The following IMMP1L variants were observed in gnomAD, a reference collection of about 807,000 sequenced individuals.
IMMP1L encodes inner mitochondrial membrane peptidase subunit 1.
A neutral mutation model predicts 21.8 loss-of-function variants in IMMP1L; 24 were observed. That is an observed-to-expected ratio of 1.10 (90% confidence interval 0.80 to 1.55). The LOEUF is 1.55. Ranked by LOEUF, IMMP1L falls within the 40% of genes most tolerant of loss-of-function variation. The probability of loss-of-function intolerance (pLI) is 0.00; values close to 1 mark genes in which losing one functional copy is unlikely to be tolerated. For synonymous variants in IMMP1L, 46 were observed against 62.8 expected (o/e 0.73, Z 1.26); for missense variants, 195 against 200.7 (o/e 0.97, Z 0.17).
intron 1 of IMMP1L, among the ~76,000 whole-genome samples, chr11:31,475,990 T>A (rs922484686): frequency 1.8e-4 from 28 of 152,186 alleles, no homozygotes; most frequent in East Asian, 5.8e-4. Context: ...CTGTTTTGAA[T>A]GCAAAACTAC....
intron 1 of IMMP1L, among the ~76,000 whole-genome samples, chr11:31,480,868 A>G (rs1487141201): frequency 6.6e-6 from 1 of 152,172 alleles, no homozygotes; most frequent in Non-Finnish European, 1.5e-5. Context: ...CAAATTCATG[A>G]ATAAAAATTC....
intron 4 of IMMP1L, chr11:31,453,193 G>T: frequency 1.1e-6 from 1 of 939,352 alleles, no homozygotes; most frequent in Non-Finnish European, 1.4e-6. Flanking sequence ...ACTCTGGAAA[G>T]AATAAAATGA....
intron 4 of IMMP1L, among the ~76,000 whole-genome samples, chr11:31,450,712 C>A (rs1953722065): frequency 6.6e-6 from 1 of 152,126 alleles, no homozygotes; most frequent in Non-Finnish European, 1.5e-5. Flanking sequence ...GTGGTAGGCT[C>A]CATGAACATC....
intron 4 of IMMP1L, among the ~76,000 whole-genome samples, chr11:31,437,474 T>A (rs1482245396): frequency 6.6e-6 from 1 of 152,184 alleles, no homozygotes; most frequent in African/African-American, 2.4e-5. Flanking sequence ...TTAGGGATGC[T>A]CAACCCATAC....
intron 2 of IMMP1L, 75 bp from the exon 3 acceptor site, chr11:31,460,789 A>G (rs1954116224): frequency 9.5e-7 from 1 of 1,052,832 alleles, no homozygotes; most frequent in African/African-American, 1.6e-5. Context: ...AAGCAAGCTT[A>G]AAAGAAAGAA....
At chr11:31,509,228 T>C (rs1025659409) in intron 1 of IMMP1L, among the ~76,000 whole-genome samples, 1 of 152,194 alleles carries the variant, frequency 6.6e-6, no homozygotes, top group Non-Finnish European at 1.5e-5. Context: ...CACTAGGCAC[T>C]AACGAACTAA....
chr11:31,442,620 G>T (rs1446997958), intron 4 of IMMP1L, among the ~76,000 whole-genome samples: 3 of 152,264 alleles, frequency 2.0e-5, no homozygotes, highest in South Asian at 4.1e-4. Context: ...CAATGGTAGG[G>T]TTTGCATTGG....
intron 4 of IMMP1L, chr11:31,452,542 G>A (rs1033102033): frequency 3.5e-5 from 34 of 985,212 alleles, no homozygotes; most frequent in Non-Finnish European, 3.9e-5. Flanking sequence ...TAAAGCAGTG[G>A]CTTCAAGCAG....
At chr11:31,457,130 C>A (rs1288241366) in intron 3 of IMMP1L, among the ~76,000 whole-genome samples, 2 of 151,740 alleles carry the variant, frequency 1.3e-5, no homozygotes, top group Admixed American at 6.6e-5. Flanking sequence ...AGTCCTATAA[C>A]CCATATCAAA....
At chr11:31,445,044 T>TA (rs141420331) in intron 4 of IMMP1L, among the ~76,000 whole-genome samples, 3,094 of 152,242 alleles carry the variant, frequency 0.02, 49 homozygotes, top group South Asian at 0.042. Flanking sequence ...GATTTGGATT[T>TA]AAAAAAAGCA....
chr11:31,504,397 T>C (rs2133837193), intron 1 of IMMP1L, among the ~76,000 whole-genome samples: 1 of 152,300 alleles, frequency 6.6e-6, no homozygotes, highest in East Asian at 1.9e-4. Context: ...TTAAAAAACA[T>C]GGATAGACCC....
At chr11:31,503,620 T>C (rs1025077764) in intron 1 of IMMP1L, among the ~76,000 whole-genome samples, 10 of 152,178 alleles carry the variant, frequency 6.6e-5, no homozygotes, top group Admixed American at 1.3e-4. Context: ...AAGAGCTCAT[T>C]CCAGTATGGC....
intron 1 of IMMP1L, among the ~76,000 whole-genome samples, chr11:31,492,257 T>C (rs367771241): frequency 2.0e-4 from 31 of 152,234 alleles, no homozygotes; most frequent in Non-Finnish European, 3.8e-4. Flanking sequence ...TTTTATGTTA[T>C]GGCTTCTCTC....
chr11:31,494,888 C>T (rs1354401461), intron 1 of IMMP1L, among the ~76,000 whole-genome samples: 3 of 152,188 alleles, frequency 2.0e-5, no homozygotes, highest in Non-Finnish European at 2.9e-5. Context: ...TCGTGATCCG[C>T]CCACCTTGGC....
At chr11:31,434,252 T>G (rs1397955093) in intron 4 of IMMP1L, among the ~76,000 whole-genome samples, 1 of 152,192 alleles carries the variant, frequency 6.6e-6, no homozygotes, top group Non-Finnish European at 1.5e-5. Context: ...TCTCCTATAA[T>G]GTTCTATGTA....
intron 4 of IMMP1L, among the ~76,000 whole-genome samples, chr11:31,441,255 G>A (rs976033965): frequency 7.9e-5 from 12 of 151,368 alleles, no homozygotes; most frequent in African/African-American, 2.9e-4. Flanking sequence ...TTAAAAAAGG[G>A]AGCATCATCC....
At chr11:31,455,468 A>T (rs1469709644) in intron 4 of IMMP1L, among the ~76,000 whole-genome samples, 1 of 152,184 alleles carries the variant, frequency 6.6e-6, no homozygotes, top group Non-Finnish European at 1.5e-5. Flanking sequence ...TCTACTCTTC[A>T]TTCTTCCATT....
At chr11:31,491,225 G>C (rs1955244244) in intron 1 of IMMP1L, among the ~76,000 whole-genome samples, 1 of 152,148 alleles carries the variant, frequency 6.6e-6, no homozygotes, top group African/African-American at 2.4e-5. Context: ...TTGCCTTGAA[G>C]AAATTTTTGG....
At chr11:31,481,840 A>T (rs1277387250) in intron 1 of IMMP1L, among the ~76,000 whole-genome samples, 1 of 152,062 alleles carries the variant, frequency 6.6e-6, no homozygotes, top group African/African-American at 2.4e-5. Context: ...AAAAAAAGGT[A>T]TATTTAAAAT....
Sources: gnomAD v4.1 joint callset for allele counts (sites outside exome capture counted in the v4.1 genomes callset) on GRCh38, gnomAD v4.1.1 for gene constraint, MANE v1.5 for transcripts, NCBI Gene and HGNC (gene_info 2026-07-23, HGNC 2026-07-21) for gene names.